Variants in MED12L observed in about 807,000 individuals in gnomAD.
The protein encoded by MED12L is mediator of RNA polymerase II transcription subunit 12-like protein.
In MED12L, 60 loss-of-function variants were observed where a neutral mutation model predicts 281.3. The ratio of observed to expected loss-of-function variants is 0.21; its 90% CI spans 0.17 to 0.26. The LOEUF is 0.26. Ranked by LOEUF, MED12L falls within the 10% of genes least tolerant of loss-of-function variation. The pLI, the probability that MED12L is intolerant of heterozygous loss-of-function variation, is 1.00. For synonymous variants in MED12L, 974 were observed against 987.2 expected (o/e 0.99, Z 0.25); for missense variants, 2,146 against 2,680.9 (o/e 0.80, Z 4.41).
At chr3:151,302,763 A>G (rs1355748754) in intron 16 of MED12L, among the ~76,000 whole-genome samples, 1 of 152,194 alleles carries the variant, frequency 6.6e-6, no homozygotes, top group African/African-American at 2.4e-5. Flanking sequence ...AGTACCAGCC[A>G]TAACCTGATC....
At chr3:151,086,734 A>C (rs1719267060) in intron 1 of MED12L, 64 bp from the exon 2 acceptor site, 1 of 516,442 alleles carries the variant, frequency 1.9e-6, no homozygotes. Flanking sequence ...GGCTGTCCCC[A>C]TCAGTGCGTG....
chr3:151,264,076 A>G (rs962561938), intron 16 of MED12L, among the ~76,000 whole-genome samples: 2 of 152,222 alleles, frequency 1.3e-5, no homozygotes, highest in East Asian at 1.9e-4. Flanking sequence ...GAGTAGTTCT[A>G]CTTCATTTCA....
At chr3:151,416,677 A>T (rs1027341615) in intron 43 of MED12L, among the ~76,000 whole-genome samples, 1 of 152,136 alleles carries the variant, frequency 6.6e-6, no homozygotes, top group Non-Finnish European at 1.5e-5. Flanking sequence ...CACAGACAAA[A>T]TTTTTTACAT....
intron 16 of MED12L, among the ~76,000 whole-genome samples, chr3:151,299,352 C>CTTTT (rs1745550422): frequency 6.4e-5 from 4 of 62,372 alleles, no homozygotes; most frequent in Non-Finnish European, 1.1e-4. Context: ...TTCCTTCCTT[C>CTTTT]CTTCTTTCTT....
At chr3:151,215,136 A>C (rs2149233536) in intron 16 of MED12L, among the ~76,000 whole-genome samples, 1 of 152,072 alleles carries the variant, frequency 6.6e-6, no homozygotes, top group South Asian at 2.1e-4. Context: ...CCATTGAAAA[A>C]CTGATTTGCA....
intron 25 of MED12L, 126 bp downstream of exon 25, chr3:151,368,377 A>C (rs1755545215): frequency 1.4e-6 from 1 of 737,832 alleles, no homozygotes; most frequent in Admixed American, 2.1e-5. Flanking sequence ...GGGGGTGATG[A>C]AGGGTGAGAT....
chr3:151,279,424 C>G (rs6803454), intron 16 of MED12L, among the ~76,000 whole-genome samples: 6,454 of 152,166 alleles, frequency 0.042, 140 homozygotes, highest in South Asian at 0.064. Flanking sequence ...TGACACATAC[C>G]CAAACAGTTA....
intron 16 of MED12L, among the ~76,000 whole-genome samples, chr3:151,343,520 GACTAAAATCTTTAA>G (rs1377712994): frequency 2.0e-5 from 3 of 152,172 alleles, no homozygotes; most frequent in African/African-American, 7.2e-5. Context: ...TGCTGAAAGT[GACTAAAATCTTTAA>G]GTGAAAAGTA....
intron 16 of MED12L, chr3:151,213,796 T>A: frequency 1.2e-6 from 2 of 1,614,180 alleles, no homozygotes; most frequent in Non-Finnish European, 1.7e-6. Context: ...ACTTTTCAGT[T>A]CTATACATTT....
At chr3:151,195,555 A>G (rs1724540160) in intron 16 of MED12L, among the ~76,000 whole-genome samples, 1 of 152,154 alleles carries the variant, frequency 6.6e-6, no homozygotes, top group African/African-American at 2.4e-5. Context: ...TATAGACATT[A>G]TTCATTTATA....
intron 16 of MED12L, among the ~76,000 whole-genome samples, chr3:151,206,827 G>T (rs1268254335): frequency 6.6e-6 from 1 of 151,250 alleles, no homozygotes; most frequent in Non-Finnish European, 1.5e-5. Flanking sequence ...TGTATTTTTA[G>T]TAGAGATGGG....
chr3:151,393,082 T>C (rs1455098305), intron 38 of MED12L, among the ~76,000 whole-genome samples: 1 of 152,186 alleles, frequency 6.6e-6, no homozygotes, highest in African/African-American at 2.4e-5. Context: ...TGAATGACTT[T>C]GTAAATAGAA....
chr3:151,378,260 C>A, intron 31 of MED12L, 87 bp downstream of exon 31: 2 of 1,281,426 alleles, frequency 1.6e-6, no homozygotes, highest in Non-Finnish European at 2.1e-6. Context: ...GGTCACTGTA[C>A]CCACAGTCCA....
intron 16 of MED12L, among the ~76,000 whole-genome samples, chr3:151,305,516 G>T (rs1213807351): frequency 1.3e-5 from 2 of 152,118 alleles, no homozygotes; most frequent in Admixed American, 1.3e-4. Context: ...GATACCTTAA[G>T]CAATCTTCAG....
At chr3:151,324,067 C>T (rs1468062835) in intron 16 of MED12L, among the ~76,000 whole-genome samples, 2 of 152,174 alleles carry the variant, frequency 1.3e-5, no homozygotes, top group Non-Finnish European at 2.9e-5. Flanking sequence ...GTCTTGAGAC[C>T]ACCTTCCTGG....
intron 39 of MED12L, among the ~76,000 whole-genome samples, chr3:151,402,313 G>A (rs552279669): frequency 8.5e-5 from 13 of 152,262 alleles, no homozygotes; most frequent in African/African-American, 2.2e-4. Context: ...TTGAGAAATA[G>A]CAATTTTCCC....
chr3:151,106,955 A>G (rs1396699190), intron 2 of MED12L, among the ~76,000 whole-genome samples: 1 of 152,028 alleles, frequency 6.6e-6, no homozygotes, highest in Non-Finnish European at 1.5e-5. Flanking sequence ...GTTGGGCTCT[A>G]CTTTTTTACT....
intron 16 of MED12L, among the ~76,000 whole-genome samples, chr3:151,203,408 AG>A (rs1162112565): frequency 2.8e-5 from 4 of 143,382 alleles, no homozygotes; most frequent in African/African-American, 1.0e-4. Context: ...TTTAGTACCT[AG>A]CCTTTTTTTT....
At chr3:151,218,222 A>G (rs1728611663) in intron 16 of MED12L, among the ~76,000 whole-genome samples, 1 of 152,252 alleles carries the variant, frequency 6.6e-6, no homozygotes, top group Non-Finnish European at 1.5e-5. Context: ...TAGTGTGCTC[A>G]GCAACCCTCC....
Sources: allele counts gnomAD v4.1 joint callset (sites outside exome capture counted in the v4.1 genomes callset), GRCh38; gene constraint gnomAD v4.1.1; transcripts MANE v1.5; gene names NCBI Gene and HGNC (gene_info 2026-07-23, HGNC 2026-07-21).